Variants in STAU2 observed in about 807,000 individuals in gnomAD.
STAU2 encodes the protein staufen double-stranded RNA binding protein 2, also known as double-stranded RNA-binding protein Staufen homolog 2.
STAU2 carries 20 observed loss-of-function variants against 65.9 expected under a neutral mutation model. That is an observed-to-expected ratio of 0.30 (90% CI 0.21 to 0.44). STAU2 has a LOEUF of 0.44. Among genes scored for constraint, STAU2 ranks in the 20% least tolerant of loss-of-function variants. The pLI is 1.00. For synonymous variants in STAU2, 232 were observed against 233.9 expected (o/e 0.99, Z 0.07); for missense variants, 558 against 683.9 (o/e 0.82, Z 2.05).
intron 4 of STAU2, among the ~76,000 whole-genome samples, chr8:73,696,062 A>G (rs929172091): frequency 6.6e-6 from 1 of 152,182 alleles, no homozygotes; most frequent in Non-Finnish European, 1.5e-5. Context: ...CACACCCCCA[A>G]TTCCAAGTGG....
intron 13 of STAU2, among the ~76,000 whole-genome samples, chr8:73,476,463 G>A (rs1314369140): frequency 6.6e-6 from 1 of 152,090 alleles, no homozygotes; most frequent in Non-Finnish European, 1.5e-5. Context: ...AACAAAAGAA[G>A]TTCATTATTT....
intron 6 of STAU2, among the ~76,000 whole-genome samples, chr8:73,622,288 G>A (rs55814134): frequency 0.17 from 17,812 of 102,656 alleles, 2,088 homozygotes; most frequent in African/African-American, 0.35. Flanking sequence ...CACCTCGCCC[G>A]GCTAATTTTT....
intron 13 of STAU2, among the ~76,000 whole-genome samples, chr8:73,512,835 C>T (rs112311770): frequency 0.015 from 2,257 of 152,256 alleles, 28 homozygotes; most frequent in Non-Finnish European, 0.022. Context: ...TTTTTCATTT[C>T]GGTTATTGTA....
chr8:73,718,541 T>G (rs144727587), intron 3 of STAU2, among the ~76,000 whole-genome samples: 2 of 152,334 alleles, frequency 1.3e-5, no homozygotes, highest in Non-Finnish European at 2.9e-5. Context: ...TATATACATG[T>G]GCACTGGGTG....
chr8:73,643,783 T>A (rs970210979), intron 6 of STAU2, among the ~76,000 whole-genome samples: 1 of 152,178 alleles, frequency 6.6e-6, no homozygotes, highest in Non-Finnish European at 1.5e-5. Flanking sequence ...AAAATGACAA[T>A]ACATTATGGT....
intron 13 of STAU2, among the ~76,000 whole-genome samples, chr8:73,454,196 A>T (rs960442203): frequency 6.6e-6 from 1 of 152,260 alleles, no homozygotes; most frequent in Non-Finnish European, 1.5e-5. Context: ...CAAATTCTGC[A>T]CTTTAGGCTG....
chr8:73,707,429 G>C (rs1820588596), intron 4 of STAU2, among the ~76,000 whole-genome samples: 1 of 152,154 alleles, frequency 6.6e-6, no homozygotes, highest in Non-Finnish European at 1.5e-5. Context: ...GGACAGTAGA[G>C]AACAAGATCA....
intron 3 of STAU2, 80 bp from the exon 4 acceptor site, chr8:73,709,242 T>C (rs1039280127): frequency 5.3e-6 from 6 of 1,132,762 alleles, no homozygotes; most frequent in African/African-American, 4.8e-5. Context: ...ACTTTGAAGG[T>C]AGATTGTATA....
chr8:73,516,417 G>C (rs1246982659), intron 13 of STAU2, among the ~76,000 whole-genome samples: 54 of 151,826 alleles, frequency 3.6e-4, no homozygotes, highest in Non-Finnish European at 1.0e-4. Context: ...CATATGTCTA[G>C]AATATTTGGG....
At chr8:73,568,144 C>A (rs1176318575) in intron 12 of STAU2, among the ~76,000 whole-genome samples, 1 of 152,324 alleles carries the variant, frequency 6.6e-6, no homozygotes, top group East Asian at 1.9e-4. Flanking sequence ...GCTTTGACTA[C>A]TCTCACATCT....
intron 6 of STAU2, among the ~76,000 whole-genome samples, chr8:73,660,415 C>G (rs534615932): frequency 6.6e-5 from 10 of 152,262 alleles, no homozygotes; most frequent in African/African-American, 2.4e-4. Context: ...GGTGACAGAG[C>G]GAGACACCGG....
chr8:73,683,895 T>C lies in STAU2; in HGVS notation c.274+4759A>G, dbSNP rs567089716. The stretch of plus-strand genomic sequence containing the variant: ...AAAATGAAATACTTAGGAATGTACC[T>C]AATGAAGAAGGTGGAAAGAACTCTA... On this transcript the variant is annotated intron_variant, in intron 5 of 14. Coordinates refer to ENST00000524300, the MANE Select transcript of STAU2 (RefSeq NM_001164380.2). 4.6e-5 allele frequency among the ~76,000 whole-genome samples: 7 copies of C among 152,246 alleles called. No homozygotes were observed. In the Middle Eastern group the frequency reaches 0.01, roughly 222 times the overall value.
rs1812640124 is a variant in STAU2, at chr8:73,613,782, T to C, written c.853A>G (p.Lys285Glu). ...TTAGGGCGTTTTTTAAAAAATAGTT[T>C]TGGCTTTTCCACCACAGGAAGAGGT... ...LPPLPVVEKP[K>E]LFFKKRPKTI... is the part of the protein sequence containing the mutation. Residue 285 changes from lysine to glutamate, a missense_variant, in exon 9 of 15, where the codon AAA (lysine) becomes GAA (glutamate). By Grantham distance (56) the Lys-to-Glu change is moderately conservative. Transcript: ENST00000524300. 6.2e-7 allele frequency: 1 copy of C among 1,612,878 alleles called. No homozygotes were observed. The highest frequency in any genetic ancestry group is 8.5e-7 in the Non-Finnish European group (1 of 1,179,676).
intron 13 of STAU2, among the ~76,000 whole-genome samples, chr8:73,433,221 T>A (rs761847642): frequency 1.2e-4 from 18 of 152,154 alleles, no homozygotes; most frequent in Non-Finnish European, 1.5e-4. Flanking sequence ...TTATTTATTT[T>A]TTGAGATGGA....
At chr8:73,486,690 G>A (rs1229632005) in intron 13 of STAU2, among the ~76,000 whole-genome samples, 1 of 144,760 alleles carries the variant, frequency 6.9e-6, no homozygotes, top group South Asian at 2.1e-4. Flanking sequence ...GTCTTGCTCT[G>A]TTACCCAGAC....
chr8:73,634,520 C>T (rs1467116879), intron 6 of STAU2, among the ~76,000 whole-genome samples: 1 of 152,028 alleles, frequency 6.6e-6, no homozygotes, highest in African/African-American at 2.4e-5. Context: ...GAGTGAGACA[C>T]CGTCTCAAAA....
intron 6 of STAU2, among the ~76,000 whole-genome samples, chr8:73,664,247 C>T (rs1039703742): frequency 9.9e-5 from 15 of 152,240 alleles, no homozygotes; most frequent in African/African-American, 3.6e-4. Context: ...TGGCCTCAAA[C>T]TCCTAAGCTC....
At chr8:73,661,803 C>T (rs1358062748) in intron 6 of STAU2, among the ~76,000 whole-genome samples, 4 of 152,140 alleles carry the variant, frequency 2.6e-5, no homozygotes, top group African/African-American at 4.8e-5. Context: ...TATGCCAAGT[C>T]ATGGTTACAT....
intron 6 of STAU2, among the ~76,000 whole-genome samples, chr8:73,650,273 A>T (rs955144057): frequency 6.6e-6 from 1 of 152,096 alleles, no homozygotes; most frequent in African/African-American, 2.4e-5. Context: ...AATTTTTTTT[A>T]AGTATAAATT....
Sources: gnomAD v4.1 joint callset for allele counts (sites outside exome capture counted in the v4.1 genomes callset) on GRCh38, gnomAD v4.1.1 for gene constraint, MANE v1.5 for transcripts, NCBI Gene and HGNC (gene_info 2026-07-23, HGNC 2026-07-21) for gene names.